Variants in TJP2 observed in about 807,000 individuals in gnomAD.
The protein encoded by TJP2 is tight junction protein 2, also known as Friedreich ataxia region gene X104 (tight junction protein ZO-2).
TJP2 carries 91 observed loss-of-function variants against 133.1 expected under a neutral mutation model. The ratio of observed to expected loss-of-function variants is 0.68; its 90% CI spans 0.58 to 0.81. The LOEUF is 0.81. TJP2 is among the 40% of genes least tolerant of loss of function. TJP2 has a pLI of 0.00. For synonymous variants in TJP2, 592 were observed against 583.4 expected, an observed-to-expected ratio of 1.01 and a Z score of -0.21; for missense variants, 1,541 against 1,565.6, an observed-to-expected ratio of 0.98 and a Z score of 0.26.
At chr9:69,185,205 G>C (rs1157859552) in intron 1 of TJP2, among the ~76,000 whole-genome samples, 1 of 152,164 alleles carries the variant, frequency 6.6e-6, no homozygotes, top group Non-Finnish European at 1.5e-5. Context: ...GGGATTACAG[G>C]TGGGTGCCAC....
At chr9:69,231,116 G>GT (rs11329458) in intron 11 of TJP2, among the ~76,000 whole-genome samples, 27 of 150,912 alleles carry the variant, frequency 1.8e-4, no homozygotes, top group East Asian at 1.2e-3. Context: ...TGTTTTTTTT[G>GT]TTTTTTTTTG....
chr9:69,253,041 C>T (rs1831456612), intron 22 of TJP2, 141 bp downstream of exon 22: 1 of 735,268 alleles, frequency 1.4e-6, no homozygotes, highest in Non-Finnish European at 2.3e-6. Flanking sequence ...TTACTCATTC[C>T]ATCAAATTTA....
chr9:69,231,083 A>G (rs1336630979), intron 11 of TJP2, among the ~76,000 whole-genome samples: 1 of 151,648 alleles, frequency 6.6e-6, no homozygotes, highest in Non-Finnish European at 1.5e-5. Context: ...TCCTTACAAT[A>G]AAAATATAGA....
rs1829486232 is a variant in TJP2 at position 69,228,083 on chromosome 9, CAAGG to C, written c.1425_1428del (p.Lys475AsnfsTer38). ...CAGGCACAGTTGTCCCAGAGACCAACAAGGAACCCAGATACCAAGAGGACCCCCC... is the reference window on the plus strand; with the variant it reads ...CAGGCACAGTTGTCCCAGAGACCAACAACCCAGATACCAAGAGGACCCCCC... On this transcript the variant is annotated frameshift_variant, in exon 9 of 23. Coordinates refer to ENST00000377245, the MANE Select transcript of TJP2 (RefSeq NM_004817.4). LOFTEE classifies it high-confidence loss of function. The C allele has an allele frequency of 1.9e-6, 3 of 1,612,902 alleles. No individual in the cohort carries two copies. Among genetic ancestry groups the C allele is most frequent in the Non-Finnish European group, 2.5e-6 (3 of 1,179,462 alleles).
At position 69,238,628 on chromosome 9, in the gene TJP2, T is replaced by C. The variant is rs189915072; in HGVS notation, c.2276-82T>C. On this transcript the variant is annotated intron_variant, in intron 15 of 22. Coordinates refer to ENST00000377245, the MANE Select transcript of TJP2 (RefSeq NM_004817.4). ...GAGACACTTAATGTCAGGTGTGCCA[T>C]CATTGCTTGATGCTAGGTGGGAGTA... is the stretch of plus-strand genomic sequence containing the variant. 4.7e-3 allele frequency: 4,927 copies of C among 1,054,324 alleles called. 33 individuals are homozygous for C. The highest frequency in any genetic ancestry group is 6.2e-3 in the Non-Finnish European group (4,239 of 688,848). 65.3% of individuals were successfully genotyped at this position (1,054,324 alleles called of 1,614,324 possible). A position where few individuals can be genotyped will look rare whatever the true frequency, so the allele number is the denominator to read the frequency against.
chr9:69,227,638 T>C, intron 7 of TJP2, 127 bp from the exon 8 acceptor site: 1 of 681,018 alleles, frequency 1.5e-6, no homozygotes, highest in East Asian at 2.7e-5. Flanking sequence ...ATTAGACTAA[T>C]AGCACATTTC....
chr9:69,243,844 C>T (rs947736629), intron 17 of TJP2, among the ~76,000 whole-genome samples: 1 of 152,124 alleles, frequency 6.6e-6, no homozygotes, highest in Non-Finnish European at 1.5e-5. Context: ...ACGTGAAAAG[C>T]TTTATTGAGT....
rs201523266 is a variant in TJP2 at position 69,191,737 on chromosome 9, T to TA, written c.60+17309dup. Reference sequence around the variant, plus strand: ...TCAATGACTGAATGCAGTTCATTTTTAAAATTTTTTTTTTTTTGAGACAGA... The same window carrying TA: ...TCAATGACTGAATGCAGTTCATTTTTAAAAATTTTTTTTTTTTTGAGACAGA... On this transcript the variant is annotated intron_variant, in intron 1 of 22. Transcript: ENST00000377245. 3.2e-4 allele frequency among the ~76,000 whole-genome samples: 49 copies of TA among 151,264 alleles called. No individual in the cohort carries two copies. In the South Asian group the frequency reaches 4.8e-3, roughly 15 times the overall value.
chr9:69,158,327 C>CAAAAA (rs1156502519), intron 2 of TJP2, among the ~76,000 whole-genome samples: 11 of 52,772 alleles, frequency 2.1e-4, no homozygotes, highest in African/African-American at 6.1e-4. Flanking sequence ...GACTTTGCCT[C>CAAAAA]AAAAAAAAAA....
intron 1 of TJP2, among the ~76,000 whole-genome samples, chr9:69,144,366 A>G (rs1039512828): frequency 6.6e-6 from 1 of 152,172 alleles, no homozygotes. Flanking sequence ...AGGGTTTGGG[A>G]CACTCACTTT....
At chr9:69,151,940 A>G (rs931483998) in intron 2 of TJP2, among the ~76,000 whole-genome samples, 4 of 152,220 alleles carry the variant, frequency 2.6e-5, no homozygotes, top group African/African-American at 9.6e-5. Flanking sequence ...TTACCAAAGA[A>G]TAGAAACATC....
Position 69,254,812 on chromosome 9 carries a change from A to G in TJP2, c.*438A>G, listed in dbSNP as rs1030103191. The G allele has an allele frequency of 4.2e-5, 20 of 471,974 alleles. No homozygotes were observed. Among genetic ancestry groups the G allele is most frequent in the Non-Finnish European group, 6.3e-5 (17 of 270,396 alleles). 29.2% of individuals were successfully genotyped at this position (471,974 alleles called of 1,614,324 possible). A position where few individuals can be genotyped will look rare whatever the true frequency, so the allele number is the denominator to read the frequency against. Reference sequence around the variant, plus strand: ...CAAACTAAATTCAAAGAAGTACTTTATTGCAACTCTTTTAAGTGCCTTGGA... The same window carrying G: ...CAAACTAAATTCAAAGAAGTACTTTGTTGCAACTCTTTTAAGTGCCTTGGA... On this transcript the variant is annotated 3_prime_UTR_variant, in exon 23 of 23. Coordinates refer to ENST00000377245, the MANE Select transcript of TJP2 (RefSeq NM_004817.4).
In TJP2 at chr9:69,153,938, G is replaced by A. The variant is rs12346563; in HGVS notation, c.-10+2167G>A. Among the ~76,000 whole-genome samples the A allele has an allele frequency of 9.8e-3, 1,488 of 152,188 alleles. 31 individuals carry two copies. The highest frequency in any genetic ancestry group is 0.033 in the African/African-American group (1,353 of 41,506). Reference sequence around the variant, plus strand: ...TGGATTTTTTTCCCAGGCATCTCACGTCGCCCTAGTTTCAGATCCAGCAAA... The same window carrying A: ...TGGATTTTTTTCCCAGGCATCTCACATCGCCCTAGTTTCAGATCCAGCAAA... On this transcript the variant is annotated intron_variant, in intron 2 of 5. Transcript: ENST00000423935.
Position 69,239,951 on chromosome 9 carries a change from A to G in TJP2, c.2370A>G (p.Leu790=). 1 of 1,614,144 alleles carries G rather than the reference A, an allele frequency of 6.2e-7. No homozygotes were observed. Among genetic ancestry groups the G allele is most frequent in the Non-Finnish European group, 8.5e-7 (1 of 1,179,964 alleles). The change falls in exon 17 of 23, where the codon CTA becomes CTG. Residue 790 remains leucine (L), a synonymous_variant. Coordinates refer to ENST00000377245, the MANE Select transcript of TJP2 (RefSeq NM_004817.4). The part of the protein sequence containing the change: ...RQIIEQDKHA[L]LDVTPKAVDL... ...TTTGTAAACAGGATAAGCATGCACT[A>G]CTGGATGTGACTCCGAAAGCTGTGG...
chr9:69,220,940 C>T lies in TJP2; in HGVS notation c.396C>T (p.Pro132=). The part of the protein sequence containing the change: ...VQVAALQASP[P]LDQDDRAFEV... ...TGGCCGCACTTCAGGCCAGCCCTCCCCTGGATCAGGATGACCGGGCTTTTG... is the reference window on the plus strand; with the variant it reads ...TGGCCGCACTTCAGGCCAGCCCTCCTCTGGATCAGGATGACCGGGCTTTTG... The change falls in exon 5 of 23, where the codon CCC becomes CCT. Residue 132 remains proline (P), a synonymous_variant. Coordinates refer to ENST00000377245, the MANE Select transcript of TJP2 (RefSeq NM_004817.4). 1 of 1,612,692 alleles carries T rather than the reference C, an allele frequency of 6.2e-7. No homozygotes were observed. Among genetic ancestry groups the T allele is most frequent in the South Asian group, 1.1e-5 (1 of 90,996 alleles).
chr9:69,252,945 A>C, intron 22 of TJP2, 45 bp downstream of exon 22: 25 of 1,569,476 alleles, frequency 1.6e-5, no homozygotes, highest in African/African-American at 2.7e-5. Context: ...GGGACTTCTC[A>C]AGGACTGGGA....
chr9:69,183,034 T>A (rs1392186370), intron 1 of TJP2, among the ~76,000 whole-genome samples: 1 of 151,856 alleles, frequency 6.6e-6, no homozygotes, highest in African/African-American at 2.4e-5. Flanking sequence ...TGATCTCGGG[T>A]GATCCACCTG....
chr9:69,209,212 A>G (rs1436223680), intron 1 of TJP2, among the ~76,000 whole-genome samples: 2 of 152,052 alleles, frequency 1.3e-5, no homozygotes, highest in African/African-American at 4.8e-5. Context: ...AGCTCATTGC[A>G]ACCTCCACCT....
intron 20 of TJP2, chr9:69,249,699 T>C: frequency 2.0e-6 from 2 of 985,452 alleles, no homozygotes; most frequent in South Asian, 4.7e-5. Context: ...TAGGAGAGCA[T>C]ATGATTTTAG....
Sources: allele counts gnomAD v4.1 joint callset (sites outside exome capture counted in the v4.1 genomes callset), GRCh38; gene constraint gnomAD v4.1.1; transcripts MANE v1.5; gene names NCBI Gene and HGNC (gene_info 2026-07-23, HGNC 2026-07-21).